MAF: variants seen among roughly 807,000 people sequenced by gnomAD.
MAF encodes MAF bZIP transcription factor.
A neutral mutation model predicts 22.0 loss-of-function variants in MAF; 10 were observed. The ratio of observed to expected loss-of-function variants is 0.45; its 90% confidence interval spans 0.28 to 0.77. The LOEUF (loss-of-function observed/expected upper bound fraction) is 0.77, where lower values mean the gene tolerates loss of function less well. Among genes scored for constraint, MAF ranks in the 30% least tolerant of loss-of-function variants. The probability of loss-of-function intolerance (pLI) is 0.12; values close to 1 mark genes in which losing one functional copy is unlikely to be tolerated. For synonymous variants in MAF, 337 were observed against 255.8 expected (o/e 1.32, Z -3.03); for missense variants, 544 against 548.4 (o/e 0.99, Z 0.08).
At chr16:79,455,824 C>G in the MAF span, among the ~76,000 whole-genome samples, 270 of 152,236 alleles carry the variant, frequency 1.8e-3, no homozygotes, top group Middle Eastern at 0.01. Context: ...TTGAGACCAG[C>G]CTGGCCAACA....
At chr16:79,453,078 G>A in the MAF span, among the ~76,000 whole-genome samples, 2 of 152,168 alleles carry the variant, frequency 1.3e-5, no homozygotes, top group Admixed American at 1.3e-4. Context: ...CCTTCTCTAG[G>A]TAATGTCATC....
chr16:79,590,319 A>T (rs1397833116), downstream of MAF, among the ~76,000 whole-genome samples: 1 of 152,094 alleles, frequency 6.6e-6, no homozygotes, highest in Non-Finnish European at 1.5e-5. Flanking sequence ...CTTCAAGACC[A>T]TTGCACCAAA....
the MAF span, among the ~76,000 whole-genome samples, chr16:79,546,452 T>C: frequency 2.0e-5 from 3 of 152,250 alleles, no homozygotes; most frequent in South Asian, 2.1e-4. Flanking sequence ...ATTTTGAAAA[T>C]GTAGGAAGTG....
the MAF span, among the ~76,000 whole-genome samples, chr16:79,546,734 T>C: frequency 2.6e-5 from 4 of 152,132 alleles, no homozygotes; most frequent in South Asian, 8.3e-4. Flanking sequence ...CCTCTATAAA[T>C]GGGAAAAATA....
chr16:79,357,053 T>G, the MAF span, among the ~76,000 whole-genome samples: 1 of 152,020 alleles, frequency 6.6e-6, no homozygotes, highest in African/African-American at 2.4e-5. Context: ...GGTCAGGAGT[T>G]TAAGACCAGC....
At chr16:79,216,180 T>C in the MAF span, among the ~76,000 whole-genome samples, 1 of 145,656 alleles carries the variant, frequency 6.9e-6, no homozygotes, top group Non-Finnish European at 1.5e-5. Context: ...CACGTGTATA[T>C]GTATATATGT....
the MAF span, among the ~76,000 whole-genome samples, chr16:79,219,415 G>A: frequency 2.0e-5 from 3 of 151,946 alleles, no homozygotes; most frequent in Non-Finnish European, 4.4e-5. Context: ...GCCAGGCAAG[G>A]TGGCGGGCGC....
chr16:79,312,811 G>C, the MAF span, among the ~76,000 whole-genome samples: 1 of 152,178 alleles, frequency 6.6e-6, no homozygotes, highest in African/African-American at 2.4e-5. Context: ...TGATGACTCA[G>C]ATTGTCTTCG....
At chr16:79,307,109 A>G in the MAF span, among the ~76,000 whole-genome samples, 1 of 152,220 alleles carries the variant, frequency 6.6e-6, no homozygotes, top group African/African-American at 2.4e-5. Context: ...CACTCAAGAA[A>G]CAGGGACAGT....
the MAF span, among the ~76,000 whole-genome samples, chr16:79,224,133 C>A: frequency 1.3e-5 from 2 of 152,200 alleles, no homozygotes; most frequent in Admixed American, 6.5e-5. Flanking sequence ...CAAACCGAAT[C>A]CAGCAGCACA....
chr16:79,350,270 G>T, the MAF span, among the ~76,000 whole-genome samples: 3 of 152,104 alleles, frequency 2.0e-5, no homozygotes, highest in Non-Finnish European at 4.4e-5. Context: ...ACTTCTAAAA[G>T]CCCACTATGT....
chr16:79,411,206 C>T, the MAF span, among the ~76,000 whole-genome samples: 94,624 of 152,006 alleles, frequency 0.62, 30,341 homozygotes, highest in East Asian at 0.9. Flanking sequence ...GACCTCGAAA[C>T]CTTGGTGGCT....
chr16:79,596,084 T>C (rs1290530717), intron 1 of MAF: 3 of 1,062,474 alleles, frequency 2.8e-6, no homozygotes, highest in East Asian at 5.1e-5. Context: ...TCAATGCATA[T>C]GTGCGCAAGC....
the MAF span, among the ~76,000 whole-genome samples, chr16:79,227,615 G>A: frequency 6.6e-6 from 1 of 151,752 alleles, no homozygotes; most frequent in Non-Finnish European, 1.5e-5. Flanking sequence ...ATGGATATAT[G>A]ACAAACCCCA....
the MAF span, among the ~76,000 whole-genome samples, chr16:79,570,480 C>T: frequency 6.6e-6 from 1 of 152,212 alleles, no homozygotes; most frequent in Non-Finnish European, 1.5e-5. Flanking sequence ...CTTTCTTTGA[C>T]ATCTCCAGCC....
At chr16:79,524,930 G>A in the MAF span, among the ~76,000 whole-genome samples, 13,217 of 152,158 alleles carry the variant, frequency 0.087, 804 homozygotes, top group South Asian at 0.16. Context: ...AGCCACGTGA[G>A]GTTTGCTTTA....
the MAF span, among the ~76,000 whole-genome samples, chr16:79,471,417 G>T: frequency 1.3e-5 from 2 of 152,178 alleles, no homozygotes; most frequent in African/African-American, 4.8e-5. Flanking sequence ...CAGCACTTTG[G>T]GAGGCCAAGG....
chr16:79,568,942 A>G, the MAF span, among the ~76,000 whole-genome samples: 3 of 152,224 alleles, frequency 2.0e-5, no homozygotes, highest in Non-Finnish European at 4.4e-5. Context: ...TACAGATGAG[A>G]AGAACAGATC....
chr16:79,220,788 T>C, the MAF span, among the ~76,000 whole-genome samples: 3 of 152,218 alleles, frequency 2.0e-5, no homozygotes, highest in African/African-American at 7.2e-5. Flanking sequence ...CACAGATGGC[T>C]TTTATCTCTG....
Sources: allele counts gnomAD v4.1 joint callset (sites outside exome capture counted in the v4.1 genomes callset), GRCh38; gene constraint gnomAD v4.1.1; transcripts MANE v1.5; gene names NCBI Gene and HGNC (gene_info 2026-07-23, HGNC 2026-07-21).